Variants in SLC16A1 observed in about 807,000 individuals in gnomAD.
SLC16A1 encodes solute carrier family 16 member 1.
Under a neutral mutation model 32.2 loss-of-function variants are expected in SLC16A1, and 11 were observed. The observed-to-expected ratio is 0.34, with a 90% CI of 0.21 to 0.56. The LOEUF is 0.56. SLC16A1 is among the 20% of genes least tolerant of loss of function. SLC16A1 has a pLI of 0.87. For synonymous variants in SLC16A1, 231 were observed against 226.8 expected (o/e 1.02, Z -0.17); for missense variants, 435 against 615.0 (o/e 0.71, Z 3.10).
In SLC16A1 at chr1:112,913,977, T is replaced by C; in HGVS notation, c.1417A>G (p.Lys473Glu). The C allele has an allele frequency of 1.2e-6, 2 of 1,614,214 alleles. No homozygotes were observed. Among genetic ancestry groups the C allele is most frequent in the Non-Finnish European group, 1.7e-6 (2 of 1,180,026 alleles). Residue 473 changes from lysine (K) to glutamate (E), a missense_variant, in exon 5 of 5, where the codon AAG becomes GAG. Around this residue, in one of 2 missense-constraint regions of SLC16A1, gnomAD observed 111 missense variants for 114.7 expected, o/e 0.97. Coordinates refer to ENST00000369626, the MANE Select transcript of SLC16A1 (RefSeq NM_003051.4). Reference protein sequence around the residue: ...EEETSIDVAGKPNEVTKAAES... With the variant: ...EEETSIDVAGEPNEVTKAAES... Reference sequence around the variant, plus strand: ...GCTGCTTTGGTAACTTCATTTGGCTTCCCAGCAACATCTATACTGGTCTCT... The same window carrying C: ...GCTGCTTTGGTAACTTCATTTGGCTCCCCAGCAACATCTATACTGGTCTCT...
chr1:112,913,700 A>C lies in SLC16A1; in HGVS notation c.*191T>G, dbSNP rs967591481. On this transcript the variant is annotated 3_prime_UTR_variant, in exon 5 of 5. Coordinates refer to ENST00000369626, the MANE Select transcript of SLC16A1 (RefSeq NM_003051.4). ...CTTCTTTCCCCCATCCTTTGCTACC[A>C]ATCATTCCCTCCTCAAATTCAGGCT... 10 of 661,456 alleles carry C rather than the reference A, an allele frequency of 1.5e-5. No individual in the cohort carries two copies. 41.0% of individuals were successfully genotyped at this position (661,456 alleles called of 1,614,324 possible). A position where few individuals can be genotyped will look rare whatever the true frequency, so the allele number is the denominator to read the frequency against.
At chr1:112,932,772 T>C in intron 1 of SLC16A1, among the ~76,000 whole-genome samples, 1 of 113,714 alleles carries the variant, frequency 8.8e-6, no homozygotes, top group Non-Finnish European at 1.7e-5. Context: ...CCAGCCTGGG[T>C]GACAAGGGGA....
chr1:112,949,207 G>T (rs1649805995), intron 1 of SLC16A1, among the ~76,000 whole-genome samples: 1 of 151,984 alleles, frequency 6.6e-6, no homozygotes, highest in Non-Finnish European at 1.5e-5. Context: ...GCGTCACCAT[G>T]CCCGGCTAAT....
intron 2 of SLC16A1, chr1:112,924,284 G>A (rs1313677858): frequency 1.4e-6 from 2 of 1,444,384 alleles, no homozygotes; most frequent in African/African-American, 2.8e-5. Flanking sequence ...CAGATGTTGT[G>A]GAGGCCTTTA....
intron 1 of SLC16A1, among the ~76,000 whole-genome samples, chr1:112,934,565 C>T (rs557606034): frequency 6.6e-6 from 1 of 152,062 alleles, no homozygotes; most frequent in East Asian, 1.9e-4. Flanking sequence ...AAAGAAAGTC[C>T]AAGGACAGTG....
chr1:112,935,559 T>C (rs895702885), intron 1 of SLC16A1, among the ~76,000 whole-genome samples: 1 of 152,186 alleles, frequency 6.6e-6, no homozygotes, highest in African/African-American at 2.4e-5. Context: ...AGAAAGGCTT[T>C]AGAATGGGAG....
Position 112,932,043 on chromosome 1 carries a change from T to C in SLC16A1, c.-44-2691A>G, listed in dbSNP as rs552503041. ...TTAGCACTCAACTCCAAAACACTGT[T>C]CCTTCCAACCCCTATGAACACTTCA... On this transcript the variant is annotated intron_variant, in intron 1 of 4. Coordinates refer to ENST00000369626, the MANE Select transcript of SLC16A1 (RefSeq NM_003051.4). 9.9e-5 allele frequency among the ~76,000 whole-genome samples: 15 copies of C among 152,284 alleles called. No homozygotes were observed. In the East Asian group the frequency reaches 1.9e-3, roughly 20 times the overall value.
At chr1:112,924,080 C>T (rs1648845297) in intron 2 of SLC16A1, 1 of 1,291,678 alleles carries the variant, frequency 7.7e-7, no homozygotes, top group Admixed American at 1.7e-5. Context: ...ACTTCGATGG[C>T]ATTGCCCTGG....
At position 112,912,805 on chromosome 1, in the gene SLC16A1, T is replaced by TAAAAAAAA. The variant is rs886045060; in HGVS notation, c.*1078_*1085dup. On this transcript the variant is annotated 3_prime_UTR_variant, in exon 5 of 5. Transcript: ENST00000369626. ...CTGGCCCTTTTTAATTTGCAAACCT[T>TAAAAAAAA]AAAAAAAAAAAAACAAAAAAACAAA... The TAAAAAAAA allele has an allele frequency of 7.3e-6, 1 of 136,532 alleles. No homozygotes were observed. The highest frequency in any genetic ancestry group is 1.6e-5 in the Non-Finnish European group (1 of 62,616). The allele number at this position is 136,532 out of a possible 1,614,324, so 8.5% of individuals were successfully genotyped here.
intron 1 of SLC16A1, chr1:112,955,338 GC>G (rs1331544544): frequency 6.6e-6 from 1 of 152,164 alleles, no homozygotes; most frequent in Non-Finnish European, 1.5e-5. Context: ...TCTCAACAGG[GC>G]CGCCTTAAGT....
intron 1 of SLC16A1, among the ~76,000 whole-genome samples, chr1:112,942,787 T>C (rs891106809): frequency 2.6e-5 from 4 of 152,224 alleles, no homozygotes; most frequent in Non-Finnish European, 5.9e-5. Flanking sequence ...CAATACCCTA[T>C]GATGCTACTA....
intron 1 of SLC16A1, among the ~76,000 whole-genome samples, chr1:112,953,952 G>A (rs943144547): frequency 1.3e-5 from 2 of 152,150 alleles, no homozygotes; most frequent in Non-Finnish European, 2.9e-5. Context: ...ATTTGCTGTG[G>A]CAATTATATA....
chr1:112,943,982 C>T (rs1041798771), intron 1 of SLC16A1, among the ~76,000 whole-genome samples: 2 of 151,822 alleles, frequency 1.3e-5, no homozygotes, highest in East Asian at 3.9e-4. Context: ...CTTCATGGAG[C>T]TTAGATTCTG....
rs752085204 is a variant in SLC16A1, at chr1:112,918,081, T to G, written c.362-37A>C. ...ATAAATAAATAAATAAATAAATAAA[T>G]AAATAAATAAATAAATAAATAATAA... On this transcript the variant is annotated intron_variant, in intron 3 of 4. Transcript: ENST00000369626. The G allele has an allele frequency of 5.0e-5, 55 of 1,107,354 alleles. 6 individuals carry two copies. Among genetic ancestry groups the G allele is most frequent in the East Asian group, 2.4e-4 (7 of 28,818 alleles). 68.6% of individuals were successfully genotyped at this position (1,107,354 alleles called of 1,614,324 possible).
intron 1 of SLC16A1, among the ~76,000 whole-genome samples, chr1:112,954,583 A>G (rs1453622184): frequency 6.6e-6 from 1 of 152,126 alleles, no homozygotes; most frequent in Non-Finnish European, 1.5e-5. Context: ...TTTCCTTTTT[A>G]ATCTGTTTAA....
intron 1 of SLC16A1, among the ~76,000 whole-genome samples, chr1:112,945,021 C>T (rs1307471608): frequency 1.4e-5 from 2 of 138,032 alleles, no homozygotes; most frequent in Non-Finnish European, 3.1e-5. Flanking sequence ...TTGTTTGAGA[C>T]GGAGTCTCTC....
At chr1:112,928,503 G>A (rs992470378) in intron 2 of SLC16A1, among the ~76,000 whole-genome samples, 1 of 152,112 alleles carries the variant, frequency 6.6e-6, no homozygotes, top group Non-Finnish European at 1.5e-5. Flanking sequence ...TGTTAAGTGA[G>A]CAACTTACTT....
chr1:112,946,897 A>G (rs1204262010), intron 1 of SLC16A1, among the ~76,000 whole-genome samples: 1 of 152,180 alleles, frequency 6.6e-6, no homozygotes, highest in Admixed American at 6.5e-5. Context: ...TTTCTGAGCT[A>G]TTATTACACC....
rs766153715 is a variant in SLC16A1 at position 112,913,973 on chromosome 1, G to T, written c.1421C>A (p.Pro474Gln). The T allele has an allele frequency of 1.7e-5, 27 of 1,613,950 alleles. No individual in the cohort carries two copies. In the Admixed American group the frequency reaches 4.5e-4, roughly 27 times the overall value. Residue 474 changes from proline to glutamine, a missense_variant, in exon 5 of 5, where the codon CCA (proline) becomes CAA (glutamine). Pro to Gln is a moderately conservative substitution (Grantham distance 76, BLOSUM62 -1). Coordinates refer to ENST00000369626, the MANE Select transcript of SLC16A1 (RefSeq NM_003051.4). ...TTCTGCTGCTTTGGTAACTTCATTT[G>T]GCTTCCCAGCAACATCTATACTGGT... ...EETSIDVAGK[P>Q]NEVTKAAESP...
Sources: allele counts gnomAD v4.1 joint callset (sites outside exome capture counted in the v4.1 genomes callset), GRCh38; gene constraint gnomAD v4.1.1; regional missense constraint gnomAD v4.1.1; transcripts MANE v1.5; gene names NCBI Gene and HGNC (gene_info 2026-07-23, HGNC 2026-07-21).